The following ANKRD13C variants were observed in gnomAD, a reference collection of about 807,000 sequenced individuals.
ANKRD13C encodes ankyrin repeat domain-containing protein 13C.
ANKRD13C carries 16 observed loss-of-function variants against 65.5 expected under a neutral mutation model. The observed-to-expected ratio is 0.24, with a 90% CI of 0.17 to 0.37. The LOEUF (loss-of-function observed/expected upper bound fraction) is 0.37, where lower values mean the gene tolerates loss of function less well. ANKRD13C is among the 10% of genes least tolerant of loss of function. ANKRD13C has a pLI of 1.00. For synonymous variants in ANKRD13C, 235 were observed against 238.7 expected, an observed-to-expected ratio of 0.98 and a Z score of 0.14; for missense variants, 503 against 655.9, an observed-to-expected ratio of 0.77 and a Z score of 2.55.
intron 5 of ANKRD13C, among the ~76,000 whole-genome samples, 189 bp from the exon 6 acceptor site, chr1:70,306,479 T>G (rs1311724678): frequency 6.6e-6 from 1 of 152,156 alleles, no homozygotes; most frequent in Non-Finnish European, 1.5e-5. Flanking sequence ...ATATCTACTA[T>G]TTACTTGTAA....
intron 1 of ANKRD13C, among the ~76,000 whole-genome samples, chr1:70,344,294 T>TTAAAAAAAAAA (rs1350782949): frequency 1.2e-5 from 1 of 82,178 alleles, no homozygotes; most frequent in South Asian, 5.8e-4. Flanking sequence ...AGATTCCATC[T>TTAAAAAAAAAA]CAAAAAAAAA....
At chr1:70,296,056 T>C (rs1003947375) in intron 8 of ANKRD13C, 74 bp downstream of exon 8, 3 of 1,533,560 alleles carry the variant, frequency 2.0e-6, no homozygotes, top group Non-Finnish European at 2.6e-6. Context: ...ACTTCTTGCA[T>C]TTCCATCACG....
chr1:70,277,520 A>T (rs990552643), intron 9 of ANKRD13C, among the ~76,000 whole-genome samples: 1 of 152,074 alleles, frequency 6.6e-6, no homozygotes, highest in Non-Finnish European at 1.5e-5. Context: ...GAAAAAAAAA[A>T]TACAGACATG....
intron 3 of ANKRD13C, among the ~76,000 whole-genome samples, chr1:70,316,094 A>G (rs1681061464): frequency 6.6e-6 from 1 of 152,156 alleles, no homozygotes; most frequent in Non-Finnish European, 1.5e-5. Flanking sequence ...AAAAACATAT[A>G]ATTACCTGCA....
At chr1:70,312,857 A>C (rs2023146283) in intron 5 of ANKRD13C, among the ~76,000 whole-genome samples, 2 of 145,416 alleles carry the variant, frequency 1.4e-5, no homozygotes, top group East Asian at 2.3e-4. Flanking sequence ...TAGTGGACTC[A>C]TGTTTAAAAT....
At chr1:70,317,819 C>T (rs190319914) in intron 3 of ANKRD13C, among the ~76,000 whole-genome samples, 1 of 152,178 alleles carries the variant, frequency 6.6e-6, no homozygotes, top group Non-Finnish European at 1.5e-5. Context: ...CAGTTGAATG[C>T]AGAGAATGAA....
At chr1:70,272,894 G>C (rs991936176) in intron 11 of ANKRD13C, among the ~76,000 whole-genome samples, 1 of 151,860 alleles carries the variant, frequency 6.6e-6, no homozygotes, top group Non-Finnish European at 1.5e-5. Context: ...AGGCTGAGTT[G>C]GGAGGATCAC....
chr1:70,304,090 G>A (rs1680489452), intron 6 of ANKRD13C, among the ~76,000 whole-genome samples: 3 of 152,108 alleles, frequency 2.0e-5, no homozygotes, highest in African/African-American at 4.8e-5. Context: ...CACCCAGGTT[G>A]GAATACAGTG....
rs1323351310 is a variant in ANKRD13C at position 70,259,177 on chromosome 1, G to T, written c.*3540C>A. ...CTGTATTTAGAACATCCCAATTACT[G>T]TCATCCTTCTTTAGTCATCAAGAAC... On this transcript the variant is annotated 3_prime_UTR_variant, in exon 13 of 13. Coordinates refer to ENST00000370944, the MANE Select transcript of ANKRD13C (RefSeq NM_030816.5). Among the ~76,000 whole-genome samples, 2 of 152,138 alleles carry T rather than the reference G, an allele frequency of 1.3e-5. No individual in the cohort carries two copies. Among genetic ancestry groups the T allele is most frequent in the African/African-American group, 4.8e-5 (2 of 41,426 alleles).
chr1:70,270,718 TGCACCC>T, intron 12 of ANKRD13C, 132 bp downstream of exon 12: 1 of 606,136 alleles, frequency 1.6e-6, no homozygotes, highest in East Asian at 2.9e-5. Context: ...TCTCCTGCTG[TGCACCC>T]CACTCCTAAA....
At chr1:70,336,004 A>T in intron 2 of ANKRD13C, 54 bp downstream of exon 2, 2 of 559,674 alleles carry the variant, frequency 3.6e-6, no homozygotes, top group Non-Finnish European at 5.6e-6. Flanking sequence ...TAAAAATTTT[A>T]AACTGACTAT....
intron 2 of ANKRD13C, among the ~76,000 whole-genome samples, chr1:70,326,266 AC>A (rs1553250308): frequency 9.6e-5 from 12 of 125,444 alleles, no homozygotes; most frequent in South Asian, 2.9e-4. Flanking sequence ...AAAAAAAAAG[AC>A]AGCCATCCAT....
rs200087453 is a variant in ANKRD13C at position 70,354,428 on chromosome 1, G to T, written c.-20C>A. ...GGTCATCGCCGCCGCCAGGGGCAAG[G>T]GGGGGAATCGGGAGGCTCACCGCTG... On this transcript the variant is annotated 5_prime_UTR_variant, in exon 1 of 13. Coordinates refer to ENST00000370944, the MANE Select transcript of ANKRD13C (RefSeq NM_030816.5). The T allele has an allele frequency of 2.4e-4, 387 of 1,600,442 alleles. 5 individuals carry two copies. In the South Asian group the frequency reaches 4.2e-3, roughly 17 times the overall value.
chr1:70,331,820 CAAA>C (rs10526340), intron 2 of ANKRD13C, among the ~76,000 whole-genome samples: 1 of 70,038 alleles, frequency 1.4e-5, no homozygotes, highest in East Asian at 5.0e-4. Flanking sequence ...AGACTCGACT[CAAA>C]AAAAAAAAAA....
At chr1:70,327,823 G>C (rs1681606190) in intron 2 of ANKRD13C, among the ~76,000 whole-genome samples, 1 of 152,080 alleles carries the variant, frequency 6.6e-6, no homozygotes, top group Admixed American at 6.6e-5. Flanking sequence ...CCTACACTTT[G>C]GGAGGCCAAG....
intron 12 of ANKRD13C, among the ~76,000 whole-genome samples, chr1:70,264,934 G>A (rs1678547342): frequency 6.6e-6 from 1 of 152,118 alleles, no homozygotes; most frequent in Admixed American, 6.5e-5. Context: ...TTGCCTGGAG[G>A]ACGAAAATTC....
chr1:70,314,305 G>T (rs1680980308), intron 4 of ANKRD13C, among the ~76,000 whole-genome samples: 1 of 151,526 alleles, frequency 6.6e-6, no homozygotes, highest in Non-Finnish European at 1.5e-5. Flanking sequence ...TGCAACCTCT[G>T]CCTCCTGGGT....
intron 9 of ANKRD13C, among the ~76,000 whole-genome samples, chr1:70,283,983 A>G (rs1245142552): frequency 6.6e-6 from 1 of 152,178 alleles, no homozygotes; most frequent in Non-Finnish European, 1.5e-5. Context: ...TACAAGAACA[A>G]GTACCCATGA....
intron 9 of ANKRD13C, among the ~76,000 whole-genome samples, chr1:70,285,103 CAT>C (rs1308721598): frequency 3.3e-5 from 5 of 151,656 alleles, no homozygotes; most frequent in Non-Finnish European, 5.9e-5. Flanking sequence ...TAATATAGCA[CAT>C]GTCTATTTCT....
Sources: allele counts gnomAD v4.1 joint callset (sites outside exome capture counted in the v4.1 genomes callset), GRCh38; gene constraint gnomAD v4.1.1; transcripts MANE v1.5; gene names NCBI Gene and HGNC (gene_info 2026-07-23, HGNC 2026-07-21).